Variants in EPHA6 observed in about 807,000 individuals in gnomAD.
EPHA6 encodes the protein EPH receptor A6, also known as ephrin type-A receptor 6.
EPHA6 carries 50 observed loss-of-function variants against 112.0 expected under a neutral mutation model. That is an observed-to-expected ratio of 0.45 (90% CI 0.36 to 0.56). The LOEUF (loss-of-function observed/expected upper bound fraction) is 0.56. Among genes scored for constraint, EPHA6 ranks in the 20% least tolerant of loss-of-function variants. EPHA6 has a pLI of 0.00. For missense variants in EPHA6, 1,280 were observed against 1,417.4 expected (o/e 0.90, Z 1.56); for synonymous variants, 529 against 490.7 (o/e 1.08, Z -1.03).
intron 3 of EPHA6, among the ~76,000 whole-genome samples, chr3:97,129,590 A>AT: frequency 6.6e-6 from 1 of 152,224 alleles, no homozygotes; most frequent in South Asian, 2.1e-4. Flanking sequence ...GTTAAAAACA[A>AT]TTTTTTCTGA....
intron 2 of EPHA6, among the ~76,000 whole-genome samples, chr3:96,894,268 G>A (rs996296572): frequency 6.6e-6 from 1 of 152,114 alleles, no homozygotes; most frequent in Non-Finnish European, 1.5e-5. Context: ...GCCCTTCTGA[G>A]TTGCTGCTAT....
chr3:97,464,150 G>T (rs1470929063), intron 7 of EPHA6, among the ~76,000 whole-genome samples: 1 of 152,042 alleles, frequency 6.6e-6, no homozygotes, highest in African/African-American at 2.4e-5. Context: ...CATGAAAATT[G>T]CCAAACTGAT....
intron 3 of EPHA6, among the ~76,000 whole-genome samples, chr3:97,102,293 C>A (rs558110761): frequency 3.9e-5 from 6 of 152,154 alleles, no homozygotes; most frequent in South Asian, 2.1e-4. Flanking sequence ...ATATCAGACA[C>A]AGAGTGATCT....
chr3:97,132,361 A>C (rs528978003), intron 3 of EPHA6, among the ~76,000 whole-genome samples: 2 of 152,056 alleles, frequency 1.3e-5, no homozygotes, highest in Non-Finnish European at 2.9e-5. Context: ...AGTTCTTTTC[A>C]TATTTGAATT....
chr3:97,365,980 A>G (rs959632689), intron 5 of EPHA6, among the ~76,000 whole-genome samples: 1 of 152,186 alleles, frequency 6.6e-6, no homozygotes, highest in African/African-American at 2.4e-5. Flanking sequence ...CTTAACTGCT[A>G]CAATTCGGAT....
At chr3:97,689,495 C>T (rs1373155636) in intron 14 of EPHA6, among the ~76,000 whole-genome samples, 1 of 152,172 alleles carries the variant, frequency 6.6e-6, no homozygotes, top group Non-Finnish European at 1.5e-5. Context: ...GCAGGCCTCT[C>T]TATGGCCCTG....
intron 10 of EPHA6, among the ~76,000 whole-genome samples, chr3:97,502,832 CAAAAAAAAAAAA>C: frequency 2.8e-5 from 1 of 35,898 alleles, no homozygotes; most frequent in Non-Finnish European, 4.9e-5. Context: ...GACTCTGTCT[CAAAAAAAAAAAA>C]AAAAAAAAAA....
At chr3:97,166,535 A>C (rs2076547444) in intron 3 of EPHA6, among the ~76,000 whole-genome samples, 1 of 152,150 alleles carries the variant, frequency 6.6e-6, no homozygotes, top group African/African-American at 2.4e-5. Flanking sequence ...GGTTGACAAA[A>C]ATCCATATTT....
At chr3:97,147,805 G>A (rs552623369) in intron 3 of EPHA6, among the ~76,000 whole-genome samples, 2 of 152,114 alleles carry the variant, frequency 1.3e-5, no homozygotes, top group South Asian at 2.1e-4. Flanking sequence ...CACAGACTCG[G>A]GGTGATAACA....
chr3:97,323,121 TC>T (rs1489224403), intron 5 of EPHA6, among the ~76,000 whole-genome samples: 1 of 152,012 alleles, frequency 6.6e-6, no homozygotes, highest in Non-Finnish European at 1.5e-5. Context: ...TTATACATTT[TC>T]TAAGCATTTA....
intron 11 of EPHA6, among the ~76,000 whole-genome samples, chr3:97,585,390 T>C (rs1001210126): frequency 6.6e-6 from 1 of 152,222 alleles, no homozygotes; most frequent in African/African-American, 2.4e-5. Flanking sequence ...TAAAATATAA[T>C]TTACAGCAAC....
chr3:97,290,116 T>C (rs72924485), intron 5 of EPHA6, among the ~76,000 whole-genome samples: 4,071 of 152,228 alleles, frequency 0.027, 188 homozygotes, highest in African/African-American at 0.092. Context: ...TCCTTAACAA[T>C]GTTTTTGCTG....
At chr3:97,653,453 A>G (rs1339925051) in intron 14 of EPHA6, among the ~76,000 whole-genome samples, 2 of 152,022 alleles carry the variant, frequency 1.3e-5, no homozygotes, top group African/African-American at 4.8e-5. Context: ...ACGCAATAAG[A>G]TATCACCTCA....
At chr3:97,651,444 G>T (rs1398951418) in intron 14 of EPHA6, among the ~76,000 whole-genome samples, 1 of 151,900 alleles carries the variant, frequency 6.6e-6, no homozygotes, top group East Asian at 1.9e-4. Context: ...GCCTGGATAA[G>T]ATCCAATAAA....
intron 6 of EPHA6, among the ~76,000 whole-genome samples, chr3:97,425,020 T>C (rs1188719742): frequency 6.6e-6 from 1 of 152,196 alleles, no homozygotes; most frequent in Non-Finnish European, 1.5e-5. Flanking sequence ...GTTATACTGA[T>C]GCAAGAGGTG....
intron 2 of EPHA6, among the ~76,000 whole-genome samples, chr3:96,935,356 A>G (rs1241861365): frequency 2.6e-5 from 4 of 151,646 alleles, no homozygotes; most frequent in Non-Finnish European, 4.4e-5. Context: ...TATCTTTTCC[A>G]TTCAAGGTTA....
intron 16 of EPHA6, among the ~76,000 whole-genome samples, chr3:97,746,180 T>C (rs1050907815): frequency 1.3e-5 from 2 of 151,892 alleles, no homozygotes; most frequent in Admixed American, 1.3e-4. Flanking sequence ...CTAACTTCAA[T>C]ATTCCAATAA....
chr3:96,909,935 G>A (rs1322799189), intron 2 of EPHA6, among the ~76,000 whole-genome samples: 2 of 151,984 alleles, frequency 1.3e-5, no homozygotes, highest in Non-Finnish European at 2.9e-5. Flanking sequence ...TGGCCTAGAT[G>A]TAATCTAAGC....
At chr3:96,851,708 G>A (rs1279973093) in intron 1 of EPHA6, among the ~76,000 whole-genome samples, 1 of 152,138 alleles carries the variant, frequency 6.6e-6, no homozygotes, top group Non-Finnish European at 1.5e-5. Context: ...GCCCAAGGGT[G>A]AGTAGGTAGT....
Sources: gnomAD v4.1 joint callset for allele counts (sites outside exome capture counted in the v4.1 genomes callset) on GRCh38, gnomAD v4.1.1 for gene constraint, MANE v1.5 for transcripts, NCBI Gene and HGNC (gene_info 2026-07-23, HGNC 2026-07-21) for gene names.